The following XRCC4 variants were observed in gnomAD, a reference collection of about 807,000 sequenced individuals.
The protein encoded by XRCC4 is X-ray repair cross complementing 4, also known as DNA repair protein XRCC4.
In XRCC4, 28 loss-of-function variants were observed where a neutral mutation model predicts 39.1. The observed-to-expected ratio is 0.72, with a 90% CI of 0.53 to 0.98. XRCC4 has a LOEUF of 0.98. Among genes scored for constraint, XRCC4 ranks in the 50% least tolerant of loss-of-function variants. The probability of loss-of-function intolerance (pLI) is 0.00; values close to 1 mark genes in which losing one functional copy is unlikely to be tolerated. For synonymous variants in XRCC4, 123 were observed against 126.4 expected, an observed-to-expected ratio of 0.97 and a Z score of 0.18; for missense variants, 350 against 376.4, an observed-to-expected ratio of 0.93 and a Z score of 0.58.
At chr5:83,130,370 C>T (rs1026308667) in intron 3 of XRCC4, among the ~76,000 whole-genome samples, 6 of 152,090 alleles carry the variant, frequency 3.9e-5, no homozygotes, top group African/African-American at 1.4e-4. Context: ...TTTGGTTTGC[C>T]AGTATTTTAT....
intron 7 of XRCC4, among the ~76,000 whole-genome samples, chr5:83,341,065 T>C (rs1756742795): frequency 6.6e-6 from 1 of 152,150 alleles, no homozygotes; most frequent in Non-Finnish European, 1.5e-5. Context: ...GACACTAGTT[T>C]CTTGGGATGT....
intron 1 of XRCC4, among the ~76,000 whole-genome samples, chr5:83,091,467 A>G (rs1313650122): frequency 6.6e-6 from 1 of 152,184 alleles, no homozygotes; most frequent in Non-Finnish European, 1.5e-5. Context: ...GGGGATTACA[A>G]TTCGAGATGA....
chr5:83,278,830 C>G (rs1170906574), intron 7 of XRCC4, among the ~76,000 whole-genome samples: 5 of 150,932 alleles, frequency 3.3e-5, no homozygotes, highest in Admixed American at 2.0e-4. Flanking sequence ...TACTAAAATA[C>G]AAAAGAAATT....
intron 7 of XRCC4, among the ~76,000 whole-genome samples, chr5:83,268,130 AC>A (rs1341718107): frequency 6.6e-6 from 1 of 152,196 alleles, no homozygotes; most frequent in African/African-American, 2.4e-5. Flanking sequence ...AGGAAGAGTT[AC>A]CTGAAGAATA....
intron 6 of XRCC4, among the ~76,000 whole-genome samples, chr5:83,254,416 AT>A (rs1405271296): frequency 1.3e-5 from 2 of 152,022 alleles, no homozygotes; most frequent in Non-Finnish European, 1.5e-5. Context: ...AACATTTGCC[AT>A]TTTTTTCCGA....
In XRCC4 at chr5:83,180,305, G is replaced by C. The variant is rs139819477; in HGVS notation, c.316-15465G>C. The stretch of plus-strand genomic sequence containing the variant: ...TAGTATAGGAGAGAGTATTGTAATA[G>C]AAGTCAGAGATAAGAGTGATATGAG... On this transcript the variant is annotated intron_variant, in intron 3 of 7. Coordinates refer to ENST00000396027, the MANE Select transcript of XRCC4 (RefSeq NM_003401.5). 6.6e-5 allele frequency among the ~76,000 whole-genome samples: 10 copies of C among 152,228 alleles called. No individual in the cohort carries two copies. The East Asian group carries it at 1.7e-3, about 26-fold the overall frequency.
At chr5:83,282,235 G>A (rs1387397835) in intron 7 of XRCC4, among the ~76,000 whole-genome samples, 2 of 152,066 alleles carry the variant, frequency 1.3e-5, no homozygotes, top group Non-Finnish European at 2.9e-5. Flanking sequence ...AAAACCGTTT[G>A]GCCTAGAAGT....
At chr5:83,130,881 T>G (rs1203726045) in intron 3 of XRCC4, among the ~76,000 whole-genome samples, 1 of 152,184 alleles carries the variant, frequency 6.6e-6, no homozygotes, top group African/African-American at 2.4e-5. Context: ...TTAGTCTTGC[T>G]AGTGGTCTAT....
At chr5:83,078,604 T>C (rs945694214) in intron 1 of XRCC4, among the ~76,000 whole-genome samples, 1 of 152,242 alleles carries the variant, frequency 6.6e-6, no homozygotes, top group African/African-American at 2.4e-5. Context: ...GTTTACATTG[T>C]TCACTAGGGC....
At chr5:83,147,645 G>C (rs1748519489) in intron 3 of XRCC4, among the ~76,000 whole-genome samples, 1 of 152,048 alleles carries the variant, frequency 6.6e-6, no homozygotes, top group Non-Finnish European at 1.5e-5. Context: ...ATAACACAGG[G>C]ACTATAGAAA....
intron 3 of XRCC4, among the ~76,000 whole-genome samples, chr5:83,158,456 A>G (rs1159692378): frequency 1.3e-5 from 2 of 152,162 alleles, no homozygotes; most frequent in Non-Finnish European, 2.9e-5. Flanking sequence ...AACCTATGAA[A>G]GATACTTTGA....
intron 3 of XRCC4, among the ~76,000 whole-genome samples, chr5:83,136,473 T>C (rs142613201): frequency 1.4e-3 from 217 of 152,334 alleles, no homozygotes; most frequent in African/African-American, 5.0e-3. Flanking sequence ...CCTCATTGTT[T>C]AGTTACTGTT....
intron 7 of XRCC4, among the ~76,000 whole-genome samples, chr5:83,277,156 C>T (rs184394451): frequency 2.6e-5 from 4 of 152,262 alleles, no homozygotes; most frequent in Non-Finnish European, 4.4e-5. Context: ...GCAGAGAAAA[C>T]AAAGATATAT....
At chr5:83,357,098 G>A (rs1215905289), downstream of XRCC4, among the ~76,000 whole-genome samples, 1 of 152,172 alleles carries the variant, frequency 6.6e-6, no homozygotes, top group African/African-American at 2.4e-5. Flanking sequence ...TTCAACAAAT[G>A]TTTATTAAGG....
rs551587073 is a variant in XRCC4 at position 83,274,378 on chromosome 5, A to G, written c.893+15701A>G. Among the ~76,000 whole-genome samples, 3 of 152,324 alleles carry G rather than the reference A, an allele frequency of 2.0e-5. No homozygotes were observed. In the South Asian group the frequency reaches 6.2e-4, roughly 32 times the overall value. On this transcript the variant is annotated intron_variant, in intron 7 of 7. Coordinates refer to ENST00000396027, the MANE Select transcript of XRCC4 (RefSeq NM_003401.5). The stretch of plus-strand genomic sequence containing the variant: ...TGTAACTTTTGTACCTTCCCTGCTC[A>G]TGCCATGTACTTTGTGTATTTTGAA...
intron 6 of XRCC4, among the ~76,000 whole-genome samples, chr5:83,243,172 T>G (rs1176139531): frequency 1.3e-5 from 2 of 152,192 alleles, no homozygotes; most frequent in African/African-American, 2.4e-5. Flanking sequence ...AGGATAATGT[T>G]TTAATGGAAG....
At chr5:83,132,556 A>G (rs1417409686) in intron 3 of XRCC4, among the ~76,000 whole-genome samples, 1 of 151,332 alleles carries the variant, frequency 6.6e-6, no homozygotes, top group Non-Finnish European at 1.5e-5. Context: ...ATAGTCCCAT[A>G]TTTCTCGGAG....
intron 7 of XRCC4, among the ~76,000 whole-genome samples, chr5:83,309,211 G>A (rs945603716): frequency 7.8e-6 from 1 of 128,578 alleles, no homozygotes; most frequent in African/African-American, 2.9e-5. Context: ...CCCGGGAGGC[G>A]AGCCAAGATC....
chr5:83,079,824 G>T (rs144272501), intron 1 of XRCC4, among the ~76,000 whole-genome samples: 1 of 152,042 alleles, frequency 6.6e-6, no homozygotes. Context: ...GTAGGCCACC[G>T]CACCACGTCT....
Sources: allele counts gnomAD v4.1 joint callset (sites outside exome capture counted in the v4.1 genomes callset), GRCh38; gene constraint gnomAD v4.1.1; transcripts MANE v1.5; gene names NCBI Gene and HGNC (gene_info 2026-07-23, HGNC 2026-07-21).